AGL: variants seen among roughly 807,000 people sequenced by gnomAD.
The protein encoded by AGL is glycogen debranching enzyme.
A neutral mutation model predicts 199.3 loss-of-function variants in AGL; 128 were observed. That is an observed-to-expected ratio of 0.64 (90% CI 0.56 to 0.74). The LOEUF is 0.74. AGL is among the 30% of genes least tolerant of loss of function. The pLI, the probability that AGL is intolerant of heterozygous loss-of-function variation, is 0.00. For synonymous variants in AGL, 584 were observed against 594.7 expected (o/e 0.98, Z 0.26); for missense variants, 1,809 against 1,820.8 (o/e 0.99, Z 0.12).
intron 6 of AGL, 77 bp from the exon 7 acceptor site, chr1:99,870,681 T>C: frequency 6.9e-7 from 1 of 1,453,892 alleles, no homozygotes. Flanking sequence ...TATTTTAATA[T>C]GATAAACAGT....
intron 24 of AGL, among the ~76,000 whole-genome samples, chr1:99,893,800 TA>T (rs1385671223): frequency 4.6e-5 from 7 of 152,176 alleles, no homozygotes; most frequent in African/African-American, 1.7e-4. Flanking sequence ...TCCATACTTG[TA>T]AAAAATAGGA....
At chr1:99,888,426 T>C (rs549983274) in intron 21 of AGL, among the ~76,000 whole-genome samples, 24 of 152,172 alleles carry the variant, frequency 1.6e-4, no homozygotes, top group Non-Finnish European at 1.8e-4. Context: ...ACTAGTTCTA[T>C]CTCTTTCCTT....
intron 2 of AGL, among the ~76,000 whole-genome samples, chr1:99,854,020 C>T (rs1315941909): frequency 4.6e-5 from 7 of 151,998 alleles, no homozygotes; most frequent in Non-Finnish European, 1.0e-4. Flanking sequence ...ATGGTGAAAC[C>T]CCTTCTCTAC....
intron 24 of AGL, among the ~76,000 whole-genome samples, chr1:99,893,930 C>G (rs1653102278): frequency 6.6e-6 from 1 of 152,068 alleles, no homozygotes; most frequent in African/African-American, 2.4e-5. Flanking sequence ...TACCTGTAAT[C>G]CCAACACTTT....
chr1:99,909,978 A>T (rs959454759), intron 27 of AGL, among the ~76,000 whole-genome samples: 1 of 152,214 alleles, frequency 6.6e-6, no homozygotes, highest in Admixed American at 6.5e-5. Flanking sequence ...TTGAGATTAT[A>T]CACAGATATT....
At chr1:99,857,496 C>T (rs541197394) in intron 2 of AGL, among the ~76,000 whole-genome samples, 2 of 152,064 alleles carry the variant, frequency 1.3e-5, no homozygotes, top group African/African-American at 4.8e-5. Flanking sequence ...GCCGAGATCA[C>T]GCCACTGCAC....
intron 2 of AGL, among the ~76,000 whole-genome samples, chr1:99,856,069 T>G (rs903904853): frequency 1.3e-5 from 2 of 152,194 alleles, no homozygotes; most frequent in Admixed American, 6.5e-5. Flanking sequence ...TATCCTAGCA[T>G]TAGTATGAGG....
At chr1:99,881,052 T>A in intron 14 of AGL, 24 bp from the exon 15 acceptor site, 2 of 1,591,426 alleles carry the variant, frequency 1.3e-6, no homozygotes, top group Non-Finnish European at 1.7e-6. Context: ...AGCAAACTTT[T>A]GCTTTGTTGT....
Position 99,900,700 on chromosome 1 carries a change from G to C in AGL, c.3427G>C (p.Gly1143Arg). The C allele has an allele frequency of 6.2e-7, 1 of 1,614,118 alleles. No individual in the cohort carries two copies. Among genetic ancestry groups the C allele is most frequent in the Non-Finnish European group, 8.5e-7 (1 of 1,180,036 alleles). ...TCTCATTCCTAATCTACTGGGTGAAGGAATTTATGCCAGATACAATTGTCG... is the reference window on the plus strand; with the variant it reads ...TCTCATTCCTAATCTACTGGGTGAACGAATTTATGCCAGATACAATTGTCG... ...HGLIPNLLGE[G>R]IYARYNCRDA... Residue 1143 changes from glycine to arginine, a missense_variant, in exon 26 of 34, where the codon GGA becomes CGA. Gly to Arg is a moderately radical substitution (Grantham distance 125). Transcript: ENST00000361915.
rs1042258364 is a variant in AGL at position 99,923,393 on chromosome 1, A to G, written c.*1742A>G. 6.6e-6 allele frequency: 1 copy of G among 152,210 alleles called. No homozygotes were observed. Among genetic ancestry groups the G allele is most frequent in the Non-Finnish European group, 1.5e-5 (1 of 68,026 alleles). The allele number at this position is 152,210 out of a possible 1,614,324, so 9.4% of individuals were successfully genotyped here. ...AGGAAAGGTAACAGAAAACCAGCATATTTAATCAAAGCAAGAAGTAATCGC... is the reference window on the plus strand; with the variant it reads ...AGGAAAGGTAACAGAAAACCAGCATGTTTAATCAAAGCAAGAAGTAATCGC... On this transcript the variant is annotated 3_prime_UTR_variant, in exon 34 of 34. Transcript: ENST00000361915.
intron 2 of AGL, among the ~76,000 whole-genome samples, chr1:99,852,881 T>C (rs1011435429): frequency 3.9e-5 from 6 of 152,188 alleles, no homozygotes; most frequent in Non-Finnish European, 8.8e-5. Context: ...AATAGAATAG[T>C]ATTAGGATAG....
Position 99,892,520 on chromosome 1 carries a change from A to G in AGL, c.3172A>G (p.Ile1058Val). The G allele has an allele frequency of 6.2e-7, 1 of 1,613,716 alleles. No homozygotes were observed. The highest frequency in any genetic ancestry group is 8.5e-7 in the Non-Finnish European group (1 of 1,179,736). ...CGVGKFPSLP[I>V]LSPALMDVPY... Reference sequence around the variant, plus strand: ...AGTAGGAAAATTCCCTTCCCTGCCAATTCTTTCACCTGCCCTAATGGATGT... The same window carrying G: ...AGTAGGAAAATTCCCTTCCCTGCCAGTTCTTTCACCTGCCCTAATGGATGT... Residue 1058 changes from isoleucine to valine, a missense_variant, in exon 24 of 34, where the codon ATT becomes GTT. Transcript: ENST00000361915.
intron 14 of AGL, 58 bp from the exon 15 acceptor site, chr1:99,881,018 A>C (rs1651969834): frequency 7.3e-7 from 1 of 1,375,970 alleles, no homozygotes; most frequent in Non-Finnish European, 1.0e-6. Flanking sequence ...TATGCTATAG[A>C]ATAGCACTTT....
At chr1:99,854,657 G>A (rs930791133) in intron 2 of AGL, among the ~76,000 whole-genome samples, 1 of 151,864 alleles carries the variant, frequency 6.6e-6, no homozygotes, top group African/African-American at 2.4e-5. Context: ...CCAGCTACTC[G>A]GGAGGCTGAG....
At position 99,877,691 on chromosome 1, in the gene AGL, A is replaced by C. The variant is rs1283871806; in HGVS notation, c.1474A>C (p.Lys492Gln). 1 of 1,614,074 alleles carries C rather than the reference A, an allele frequency of 6.2e-7. No homozygotes were observed. Among genetic ancestry groups the C allele is most frequent in the South Asian group, 1.1e-5 (1 of 91,078 alleles). Residue 492 changes from lysine (K) to glutamine (Q), a missense_variant, in exon 12 of 34, where the codon AAA becomes CAA. Transcript: ENST00000361915. ...RELICWGDSV[K>Q]LRYGNKPEDC... ...ACTTATTTGCTGGGGAGACAGTGTT[A>C]AATTACGCTATGGGAATAAACCAGA... is the stretch of plus-strand genomic sequence containing the variant.
intron 12 of AGL, 88 bp downstream of exon 12, chr1:99,877,916 T>C: frequency 1.5e-6 from 2 of 1,322,610 alleles, no homozygotes; most frequent in Non-Finnish European, 2.2e-6. Flanking sequence ...GGTAAATGTT[T>C]CCTTTTGCTA....
In AGL at chr1:99,892,424, T is replaced by C. The variant is rs186402161; in HGVS notation, c.3084-8T>C. 263 of 1,612,982 alleles carry C rather than the reference T, an allele frequency of 1.6e-4. 3 individuals carry two copies. In the East Asian group the frequency reaches 4.5e-3, roughly 28 times the overall value. On this transcript the variant is annotated splice_polypyrimidine_tract_variant and splice_region_variant and intron_variant, in intron 23 of 33. Coordinates refer to ENST00000361915, the MANE Select transcript of AGL (RefSeq NM_000642.3). ...TACAAGTAATAAATTCAATCACTTT[T>C]GTTACAGCTTTGTTCAGAATGGTTC...
chr1:99,863,679 G>A (rs971103474), intron 4 of AGL, among the ~76,000 whole-genome samples: 5 of 150,862 alleles, frequency 3.3e-5, no homozygotes, highest in Non-Finnish European at 5.9e-5. Flanking sequence ...TCGATCTCCT[G>A]ACCTCATGAT....
At chr1:99,856,350 CCCTCCCTCCCTCCCTTCCTT>C (rs1649444480) in intron 2 of AGL, among the ~76,000 whole-genome samples, 1 of 65,530 alleles carries the variant, frequency 1.5e-5, no homozygotes, top group Non-Finnish European at 3.5e-5. Flanking sequence ...CTCCCTCCCT[CCCTCCCTCCCTCCCTTCCTT>C]CCTCCCTTCC....
Sources: allele counts gnomAD v4.1 joint callset (sites outside exome capture counted in the v4.1 genomes callset), GRCh38; gene constraint gnomAD v4.1.1; transcripts MANE v1.5; gene names NCBI Gene and HGNC (gene_info 2026-07-23, HGNC 2026-07-21).